The following SLC67A1 variants were observed in gnomAD, a reference collection of about 807,000 sequenced individuals.
The protein encoded by SLC67A1 is solute carrier family 67 member A1.
At chr11:2,914,716 C>T in the SLC67A1 span, 16 of 985,420 alleles carry the variant, frequency 1.6e-5, no homozygotes, top group South Asian at 5.6e-4. Flanking sequence ...AAATAGCCAT[C>T]GAAGTGGTGC....
At chr11:2,924,443 T>C in the SLC67A1 span, among the ~76,000 whole-genome samples, 1 of 151,968 alleles carries the variant, frequency 6.6e-6, no homozygotes, top group Non-Finnish European at 1.5e-5. This position sits in a 1 kb window ranked among gnomAD's most constrained non-coding sequence, Gnocchi z 8.6. Context: ...TCATGCCCAC[T>C]CTGAACTCAA....
At chr11:2,908,757 G>T in the SLC67A1 span, among the ~76,000 whole-genome samples, 1 of 152,194 alleles carries the variant, frequency 6.6e-6, no homozygotes, top group Non-Finnish European at 1.5e-5. Context: ...TGCCTCTTCA[G>T]AGCAACCCGT....
At chr11:2,910,508 G>A in the SLC67A1 span, among the ~76,000 whole-genome samples, 1 of 152,128 alleles carries the variant, frequency 6.6e-6, no homozygotes, top group Non-Finnish European at 1.5e-5. Flanking sequence ...GAGGCCCTGG[G>A]TGTGGAAGCC....
At chr11:2,917,929 G>A in the SLC67A1 span, 16 of 1,376,624 alleles carry the variant, frequency 1.2e-5, no homozygotes, top group African/African-American at 1.6e-4. Flanking sequence ...CTGCAGCCGG[G>A]CGAGGGGTGG....
the SLC67A1 span, among the ~76,000 whole-genome samples, chr11:2,911,229 C>T: frequency 2.0e-5 from 3 of 152,114 alleles, no homozygotes; most frequent in South Asian, 2.1e-4. Flanking sequence ...GTCGGGAAGT[C>T]GTGCTATAAA....
the SLC67A1 span, chr11:2,902,757 A>G: frequency 1.0e-6 from 1 of 985,026 alleles, no homozygotes; most frequent in Non-Finnish European, 1.2e-6. Flanking sequence ...AGGCTGAGCT[A>G]TGTCTCCCCT....
the SLC67A1 span, among the ~76,000 whole-genome samples, chr11:2,905,797 G>A: frequency 6.6e-6 from 1 of 152,210 alleles, no homozygotes; most frequent in Non-Finnish European, 1.5e-5. Flanking sequence ...TCAAGAGAAC[G>A]CAAGAGAAGT....
the SLC67A1 span, among the ~76,000 whole-genome samples, chr11:2,900,692 C>CAAAAAAAAA: frequency 1.3e-4 from 8 of 59,640 alleles, 1 homozygote; most frequent in South Asian, 8.4e-4. Context: ...GACTCCGTCT[C>CAAAAAAAAA]AAAAAAAAAA....
At chr11:2,912,359 CT>C in the SLC67A1 span, among the ~76,000 whole-genome samples, 3 of 152,010 alleles carry the variant, frequency 2.0e-5, no homozygotes, top group African/African-American at 7.2e-5. Context: ...GGCCAGCCCC[CT>C]GGCCCTCTTG....
the SLC67A1 span, chr11:2,908,366 G>A: frequency 1.3e-6 from 2 of 1,496,790 alleles, no homozygotes; most frequent in Non-Finnish European, 1.8e-6. Flanking sequence ...TCTCCCCACA[G>A]TGACCCAGGC....
the SLC67A1 span, chr11:2,916,654 C>T: frequency 2.3e-5 from 37 of 1,612,694 alleles, no homozygotes; most frequent in Non-Finnish European, 3.1e-5. Context: ...GCTGCCCTGG[C>T]CACCCTCCTG....
At chr11:2,916,395 C>T in the SLC67A1 span, 20 of 466,800 alleles carry the variant, frequency 4.3e-5, no homozygotes, top group African/African-American at 2.6e-4. Flanking sequence ...GCCTGCATGG[C>T]GTGGCGAGGG....
the SLC67A1 span, chr11:2,908,268 C>T: frequency 1.2e-6 from 2 of 1,613,984 alleles, no homozygotes; most frequent in Non-Finnish European, 1.7e-6. Flanking sequence ...ATTCCATTGC[C>T]TTCGGCTACC....
chr11:2,902,490 C>G, the SLC67A1 span: 2 of 717,582 alleles, frequency 2.8e-6, no homozygotes, highest in Non-Finnish European at 3.4e-6. Flanking sequence ...CTCCCCCCAG[C>G]CTCCCTGCAT....
the SLC67A1 span, chr11:2,909,336 C>A: frequency 5.2e-6 from 8 of 1,526,356 alleles, no homozygotes; most frequent in South Asian, 1.2e-5. Context: ...CTGCCCGGAG[C>A]GCTCATGCAC....
chr11:2,919,380 C>T, the SLC67A1 span: 5 of 1,613,684 alleles, frequency 3.1e-6, no homozygotes, highest in Non-Finnish European at 3.4e-6. Context: ...CTGGCTACCT[C>T]ATGTCCTTCT....
the SLC67A1 span, among the ~76,000 whole-genome samples, chr11:2,913,898 C>T: frequency 1.3e-5 from 2 of 152,274 alleles, no homozygotes; most frequent in African/African-American, 2.4e-5. Flanking sequence ...CCTGGAGACG[C>T]GATTGAAAGC....
the SLC67A1 span, chr11:2,902,738 G>A: frequency 8.1e-6 from 8 of 985,550 alleles, 1 homozygote; most frequent in Non-Finnish European, 9.6e-6. Flanking sequence ...AGCTACTGGG[G>A]AGCCTGGAAG....
At chr11:2,909,569 C>A in the SLC67A1 span, 1 of 1,525,742 alleles carries the variant, frequency 6.6e-7, no homozygotes, top group Non-Finnish European at 8.8e-7. Flanking sequence ...TCCCCCGCCC[C>A]GTCCCCAGCC....
Sources: allele counts gnomAD v4.1 joint callset (sites outside exome capture counted in the v4.1 genomes callset), GRCh38; gene constraint gnomAD v4.1.1; non-coding constraint Gnocchi (gnomAD v3.1); transcripts MANE v1.5; gene names NCBI Gene and HGNC (gene_info 2026-07-23, HGNC 2026-07-21).